The following HACD2 variants were observed in gnomAD, a reference collection of about 807,000 sequenced individuals.
HACD2 encodes 3-hydroxyacyl-CoA dehydratase 2, also known as very-long-chain (3R)-3-hydroxyacyl-CoA dehydratase 2.
In HACD2, 15 loss-of-function variants were observed where a neutral mutation model predicts 31.0. That is an observed-to-expected ratio of 0.48 (90% CI 0.32 to 0.75). The LOEUF (loss-of-function observed/expected upper bound fraction) is 0.75. Among genes scored for constraint, HACD2 ranks in the 30% least tolerant of loss-of-function variants. The probability of loss-of-function intolerance (pLI) is 0.03; values close to 1 mark genes in which losing one functional copy is unlikely to be tolerated. For missense variants in HACD2, 283 were observed against 313.0 expected (o/e 0.90, Z 0.72); for synonymous variants, 115 against 122.2 (o/e 0.94, Z 0.39).
chr3:123,505,509 A>G (rs1384336552), intron 4 of HACD2, among the ~76,000 whole-genome samples: 2 of 152,234 alleles, frequency 1.3e-5, no homozygotes, highest in Non-Finnish European at 2.9e-5. Flanking sequence ...CTTAGCAACA[A>G]CAAAATGACT....
chr3:123,558,019 T>C (rs977188705), intron 3 of HACD2, among the ~76,000 whole-genome samples: 7 of 152,244 alleles, frequency 4.6e-5, no homozygotes, highest in Non-Finnish European at 2.9e-5. Flanking sequence ...CAAAACCTGG[T>C]AGCAACCAAG....
intron 3 of HACD2, among the ~76,000 whole-genome samples, chr3:123,565,505 G>C (rs2056780687): frequency 6.6e-6 from 1 of 152,134 alleles, no homozygotes; most frequent in Non-Finnish European, 1.5e-5. Flanking sequence ...CTGTCTATGA[G>C]CAACAGGCCC....
chr3:123,505,613 G>A (rs2055964844), intron 4 of HACD2, among the ~76,000 whole-genome samples: 1 of 152,160 alleles, frequency 6.6e-6, no homozygotes, highest in Non-Finnish European at 1.5e-5. Context: ...AGGGTGTGAG[G>A]TGGCTGTTCA....
At chr3:123,557,588 A>G (rs1402838579) in intron 3 of HACD2, among the ~76,000 whole-genome samples, 1 of 152,172 alleles carries the variant, frequency 6.6e-6, no homozygotes, top group Non-Finnish European at 1.5e-5. Context: ...ACAGTGAGCT[A>G]TGATTGCTCC....
At chr3:123,505,072 T>C (rs1256027443) in intron 4 of HACD2, among the ~76,000 whole-genome samples, 2 of 152,218 alleles carry the variant, frequency 1.3e-5, no homozygotes, top group Non-Finnish European at 2.9e-5. Flanking sequence ...AGTGGAGTAT[T>C]ATGCAGCCTT....
intron 1 of HACD2, among the ~76,000 whole-genome samples, chr3:123,583,498 T>C (rs1192620485): frequency 6.6e-6 from 1 of 152,212 alleles, no homozygotes; most frequent in Non-Finnish European, 1.5e-5. Context: ...TAGTTCTTCA[T>C]TGACCTGTGA....
intron 2 of HACD2, among the ~76,000 whole-genome samples, chr3:123,577,490 G>T (rs1002481584): frequency 9.9e-5 from 15 of 151,816 alleles, no homozygotes; most frequent in Non-Finnish European, 1.2e-4. Context: ...GTGTGGTGGC[G>T]GGCGCCTGTA....
At chr3:123,519,602 T>C (rs2056187907) in intron 4 of HACD2, among the ~76,000 whole-genome samples, 1 of 152,228 alleles carries the variant, frequency 6.6e-6, no homozygotes, top group South Asian at 2.1e-4. Context: ...CAAGGGGTTA[T>C]AGGTACTGGT....
intron 3 of HACD2, among the ~76,000 whole-genome samples, chr3:123,539,203 C>T (rs1317529878): frequency 2.0e-5 from 3 of 151,974 alleles, no homozygotes; most frequent in Non-Finnish European, 4.4e-5. Flanking sequence ...CCTTCTGGGG[C>T]GAAATTATAT....
At chr3:123,505,158 T>G (rs1055713035) in intron 4 of HACD2, among the ~76,000 whole-genome samples, 3 of 152,146 alleles carry the variant, frequency 2.0e-5, no homozygotes, top group Non-Finnish European at 4.4e-5. Context: ...AATAAGCCAG[T>G]CACAAAAAGG....
chr3:123,546,110 A>G (rs1244521338), intron 3 of HACD2, among the ~76,000 whole-genome samples: 3 of 152,208 alleles, frequency 2.0e-5, no homozygotes, highest in Non-Finnish European at 4.4e-5. Flanking sequence ...GGAGGAAAAC[A>G]AGATCACGTA....
chr3:123,557,546 G>C (rs1013039634), intron 3 of HACD2, among the ~76,000 whole-genome samples: 6 of 152,162 alleles, frequency 3.9e-5, no homozygotes. Context: ...GGCTGGGGCA[G>C]GAGGATCACT....
At chr3:123,580,460 A>G (rs2056953659) in intron 2 of HACD2, among the ~76,000 whole-genome samples, 1 of 151,992 alleles carries the variant, frequency 6.6e-6, no homozygotes, top group Admixed American at 6.6e-5. Context: ...TGGGTGACAG[A>G]GTGACCCTCT....
chr3:123,570,518 T>C (rs1298984908), intron 2 of HACD2, among the ~76,000 whole-genome samples: 3 of 152,176 alleles, frequency 2.0e-5, no homozygotes. Flanking sequence ...AAAGTTGGAA[T>C]AACATGCTAA....
At chr3:123,518,522 G>A (rs910544853) in intron 4 of HACD2, among the ~76,000 whole-genome samples, 3 of 152,192 alleles carry the variant, frequency 2.0e-5, no homozygotes, top group Non-Finnish European at 1.5e-5. Context: ...AAAAACTTTA[G>A]TTATTTAAAA....
intron 3 of HACD2, among the ~76,000 whole-genome samples, chr3:123,563,053 T>C (rs115941837): frequency 2.8e-3 from 427 of 152,330 alleles, no homozygotes; most frequent in Non-Finnish European, 4.3e-3. Context: ...GATGATCAAA[T>C]ATTCACCAAA....
chr3:123,549,774 CCA>C (rs982768642), intron 3 of HACD2, among the ~76,000 whole-genome samples: 2 of 152,032 alleles, frequency 1.3e-5, no homozygotes, highest in African/African-American at 4.8e-5. Flanking sequence ...AACAAAAACA[CCA>C]CAAAGATCAG....
At position 123,493,508 on chromosome 3, in the gene HACD2, T is replaced by A. The variant is rs1438014887; in HGVS notation, c.*1380A>T. The A allele has an allele frequency of 6.6e-6, 1 of 152,166 alleles. No individual in the cohort carries two copies. Among genetic ancestry groups the A allele is most frequent in the African/African-American group, 2.4e-5 (1 of 41,452 alleles). 9.4% of individuals were successfully genotyped at this position (152,166 alleles called of 1,614,324 possible). ...CCCAAAAAAAGGCAGCTGCAGGGGATGGGGGAGGAAAAAAGGCTCCATGAA... is the reference window on the plus strand; with the variant it reads ...CCCAAAAAAAGGCAGCTGCAGGGGAAGGGGGAGGAAAAAAGGCTCCATGAA... On this transcript the variant is annotated 3_prime_UTR_variant, in exon 7 of 7. Transcript: ENST00000383657.
chr3:123,528,367 G>A lies in HACD2; in HGVS notation c.381+19C>T, dbSNP rs1563424. The A allele has an allele frequency of 0.035, 49,656 of 1,407,532 alleles. 1,031 individuals are homozygous for A. Among genetic ancestry groups the A allele is most frequent in the Middle Eastern group, 0.061 (346 of 5,678 alleles). The allele number at this position is 1,407,532 out of a possible 1,614,324, so 87.2% of individuals were successfully genotyped here. A position where few individuals can be genotyped will look rare whatever the true frequency, so the allele number is the denominator to read the frequency against. On this transcript the variant is annotated intron_variant, in intron 4 of 6. Coordinates refer to ENST00000383657, the MANE Select transcript of HACD2 (RefSeq NM_198402.5). ...TGTTTGTTAGTGTTGACATTATTTT[G>A]GTCTATATAAACACTTACCTCTTTG...
Sources: allele counts gnomAD v4.1 joint callset (sites outside exome capture counted in the v4.1 genomes callset), GRCh38; gene constraint gnomAD v4.1.1; transcripts MANE v1.5; gene names NCBI Gene and HGNC (gene_info 2026-07-23, HGNC 2026-07-21).